The following HLTF variants were observed in gnomAD, a reference collection of about 807,000 sequenced individuals.
HLTF encodes the protein DNA-dependent ATPase/E3 ubiquitin-protein ligase HLTF.
HLTF carries 127 observed loss-of-function variants against 129.4 expected under a neutral mutation model. The ratio of observed to expected loss-of-function variants is 0.98; its 90% CI spans 0.85 to 1.14. The LOEUF is 1.14. Among genes scored for constraint, HLTF ranks in the 50% most tolerant of loss-of-function variants. HLTF has a pLI of 0.00. For synonymous variants in HLTF, 332 were observed against 388.8 expected, an observed-to-expected ratio of 0.85 and a Z score of 1.72; for missense variants, 1,139 against 1,187.1, an observed-to-expected ratio of 0.96 and a Z score of 0.60.
rs1333435440 is a variant in HLTF, at chr3:149,032,112, C to A, written c.*108G>T. ...TACCTCTTCACTAATATAAAATATG[C>A]CCCTTTTAGAAGACGTGTTCTCTAG... On this transcript the variant is annotated 3_prime_UTR_variant, in exon 25 of 25. Coordinates refer to ENST00000310053, the MANE Select transcript of HLTF (RefSeq NM_003071.4). 1.6e-5 allele frequency: 12 copies of A among 739,648 alleles called. No homozygotes were observed. The highest frequency in any genetic ancestry group is 2.7e-5 in the South Asian group (1 of 36,560). The allele number at this position is 739,648 out of a possible 1,614,324, so 45.8% of individuals were successfully genotyped here. A position where few individuals can be genotyped will look rare whatever the true frequency, so the allele number is the denominator to read the frequency against.
rs1183284673 is a variant in HLTF at position 149,050,321 on chromosome 3, A to AAC, written c.1527_1528insGT (p.Tyr510ValfsTer20). The AAC allele has an allele frequency of 6.3e-7, 1 of 1,595,662 alleles. No homozygotes were observed. Among genetic ancestry groups the AAC allele is most frequent in the Admixed American group, 1.7e-5 (1 of 59,112 alleles). On this transcript the variant is annotated frameshift_variant, in exon 15 of 25. Coordinates refer to ENST00000310053, the MANE Select transcript of HLTF (RefSeq NM_003071.4). LOFTEE classifies it high-confidence loss of function. ...GGTTCTCTAATACGATCAGGACCATAATAAACATAAAAATTCAAGTGTACA... is the reference window on the plus strand; with the variant it reads ...GGTTCTCTAATACGATCAGGACCATAACATAAACATAAAAATTCAAGTGTACA...
At chr3:149,045,273 ATCT>A (rs993402713) in intron 18 of HLTF, among the ~76,000 whole-genome samples, 1 of 152,082 alleles carries the variant, frequency 6.6e-6, no homozygotes, top group African/African-American at 2.4e-5. Flanking sequence ...CCTATATATC[ATCT>A]TCTCAGTGAG....
chr3:149,072,971 C>A lies in HLTF; in HGVS notation c.627+254G>T, dbSNP rs376642217. Reference sequence around the variant, plus strand: ...AAACATTTCAGATACAAAAATATGCCGTGCATAAACAGGAACGTGTGTGTT... The same window carrying A: ...AAACATTTCAGATACAAAAATATGCAGTGCATAAACAGGAACGTGTGTGTT... On this transcript the variant is annotated intron_variant, in intron 5 of 24. Coordinates refer to ENST00000310053, the MANE Select transcript of HLTF (RefSeq NM_003071.4). 5.1e-4 allele frequency among the ~76,000 whole-genome samples: 77 copies of A among 152,048 alleles called. No individual in the cohort carries two copies. The South Asian group carries it at 0.015, about 30-fold the overall frequency.
rs149848386 is a variant in HLTF, at chr3:149,032,370, G to T, written c.2880C>A (p.Phe960Leu). The T allele has an allele frequency of 1.4e-6, 2 of 1,462,846 alleles. No homozygotes were observed. The highest frequency in any genetic ancestry group is 1.5e-5 in the African/African-American group (1 of 68,216). 90.6% of individuals were successfully genotyped at this position (1,462,846 alleles called of 1,614,324 possible). A position where few individuals can be genotyped will look rare whatever the true frequency, so the allele number is the denominator to read the frequency against. The change falls in exon 25 of 25, where the codon TTC (phenylalanine) becomes TTA (leucine). Residue 960 changes from phenylalanine (F) to leucine (L), a missense_variant and splice_region_variant. Coordinates refer to ENST00000310053, the MANE Select transcript of HLTF (RefSeq NM_003071.4). ...GQKQEVIITKFIVKDSVEENM... is the reference protein window; with the variant it reads ...GQKQEVIITKLIVKDSVEENM... Reference sequence around the variant, plus strand: ...TTTCTTCAACAGAGTCCTTTACAATGAACTTTAAAAAGAAAAAAAAAAGTT... The same window carrying T: ...TTTCTTCAACAGAGTCCTTTACAATTAACTTTAAAAAGAAAAAAAAAAGTT...
At chr3:149,045,682 CTG>C (rs1442308607) in intron 18 of HLTF, among the ~76,000 whole-genome samples, 2 of 152,144 alleles carry the variant, frequency 1.3e-5, no homozygotes, top group Non-Finnish European at 1.5e-5. Context: ...ATTCTGTTCC[CTG>C]TGGGCTCACA....
At chr3:149,036,969 A>G (rs1702515728) in intron 23 of HLTF, among the ~76,000 whole-genome samples, 1 of 152,174 alleles carries the variant, frequency 6.6e-6, no homozygotes, top group Admixed American at 6.5e-5. Context: ...CAACTTTTTC[A>G]TACTAATTAT....
intron 12 of HLTF, 51 bp from the exon 13 acceptor site, chr3:149,059,858 T>TCTAGCACAGG: frequency 9.1e-7 from 1 of 1,096,470 alleles, no homozygotes; most frequent in Non-Finnish European, 1.4e-6. Context: ...TCTCCTGTGC[T>TCTAGCACAGG]AGAGTACAGG....
Position 149,073,387 on chromosome 3 carries a change from T to C in HLTF, c.530-65A>G, listed in dbSNP as rs894375816. On this transcript the variant is annotated intron_variant, in intron 4 of 24. Coordinates refer to ENST00000310053, the MANE Select transcript of HLTF (RefSeq NM_003071.4). Reference sequence around the variant, plus strand: ...AAGTAGGTTTTTATCTTTTATTAAGTAGCTTTTAAAATATGCATTAACAGG... The same window carrying C: ...AAGTAGGTTTTTATCTTTTATTAAGCAGCTTTTAAAATATGCATTAACAGG... 3.4e-6 allele frequency: 4 copies of C among 1,188,680 alleles called. No homozygotes were observed. In the African/African-American group the frequency reaches 6.1e-5, roughly 18 times the overall value. 73.6% of individuals were successfully genotyped at this position (1,188,680 alleles called of 1,614,324 possible). A position where few individuals can be genotyped will look rare whatever the true frequency, so the allele number is the denominator to read the frequency against.
At chr3:149,068,435 A>C in intron 7 of HLTF, 100 bp from the exon 8 acceptor site, 3 of 594,486 alleles carry the variant, frequency 5.0e-6, no homozygotes, top group Non-Finnish European at 6.0e-6. Context: ...ATCAAATATC[A>C]TTCAAGGTCA....
chr3:149,037,354 A>T (rs571715579), intron 23 of HLTF, among the ~76,000 whole-genome samples: 1 of 151,952 alleles, frequency 6.6e-6, no homozygotes, highest in East Asian at 1.9e-4. Flanking sequence ...CTGTAATCCC[A>T]GCTACTCAGG....
At position 149,076,102 on chromosome 3, in the gene HLTF, T is replaced by C. The variant is rs1326707672; in HGVS notation, c.229-55A>G. ...CATTATAAATAATAGACAATAACTTTGTTATACTTTATCTGGGATTTCCAT... is the reference window on the plus strand; with the variant it reads ...CATTATAAATAATAGACAATAACTTCGTTATACTTTATCTGGGATTTCCAT... On this transcript the variant is annotated intron_variant, in intron 2 of 24. Coordinates refer to ENST00000310053, the MANE Select transcript of HLTF (RefSeq NM_003071.4). 7 of 663,060 alleles carry C rather than the reference T, an allele frequency of 1.1e-5. No homozygotes were observed. The Admixed American group carries it at 2.4e-4, about 22-fold the overall frequency. The allele number at this position is 663,060 out of a possible 1,614,324, so 41.1% of individuals were successfully genotyped here. A position where few individuals can be genotyped will look rare whatever the true frequency, so the allele number is the denominator to read the frequency against.
intron 23 of HLTF, among the ~76,000 whole-genome samples, chr3:149,037,336 G>A (rs552056080): frequency 6.6e-6 from 1 of 151,972 alleles, no homozygotes; most frequent in Non-Finnish European, 1.5e-5. Flanking sequence ...ACGCGTGGTG[G>A]CAGGTGCCTG....
Position 149,060,702 on chromosome 3 carries a change from A to G in HLTF, c.1241-15T>C, listed in dbSNP as rs1717860619. 1 of 1,612,862 alleles carries G rather than the reference A, an allele frequency of 6.2e-7. No individual in the cohort carries two copies. The highest frequency in any genetic ancestry group is 8.5e-7 in the Non-Finnish European group (1 of 1,179,176). On this transcript the variant is annotated splice_polypyrimidine_tract_variant and intron_variant, in intron 11 of 24. Coordinates refer to ENST00000310053, the MANE Select transcript of HLTF (RefSeq NM_003071.4). ...TTTCAGTTTGCCTAAAAATAAAACA[A>G]AAATAAACATAAAAATGGGCAAAAC...
intron 2 of HLTF, among the ~76,000 whole-genome samples, chr3:149,077,644 A>G (rs557470286): frequency 6.6e-6 from 1 of 151,600 alleles, no homozygotes; most frequent in East Asian, 1.9e-4. Flanking sequence ...GTATTTCTGG[A>G]TATCTAGAAG....
At chr3:149,034,246 T>C (rs1278020051) in intron 24 of HLTF, among the ~76,000 whole-genome samples, 1 of 152,178 alleles carries the variant, frequency 6.6e-6, no homozygotes, top group Non-Finnish European at 1.5e-5. Context: ...TTTCTTAACT[T>C]ATCCCAAAGA....
intron 18 of HLTF, 141 bp from the exon 19 acceptor site, chr3:149,042,431 C>G: frequency 1.4e-6 from 1 of 696,376 alleles, no homozygotes; most frequent in South Asian, 2.2e-5. Flanking sequence ...AAAAGCAACT[C>G]TAATAAAACC....
At chr3:149,042,390 G>T in intron 18 of HLTF, 100 bp from the exon 19 acceptor site, 41 of 952,520 alleles carry the variant, frequency 4.3e-5, no homozygotes, top group Admixed American at 5.6e-5. Flanking sequence ...TTCTTCTCTA[G>T]AAATTACTCC....
At chr3:149,032,836 G>A (rs766397408) in intron 24 of HLTF, among the ~76,000 whole-genome samples, 10 of 151,728 alleles carry the variant, frequency 6.6e-5, no homozygotes, top group South Asian at 2.1e-4. Flanking sequence ...GGTGGTGGGC[G>A]CCTGTAGTCC....
intron 4 of HLTF, 115 bp from the exon 5 acceptor site, chr3:149,073,437 T>C (rs2108050425): frequency 1.4e-6 from 1 of 709,046 alleles, no homozygotes; most frequent in East Asian, 2.8e-5. Context: ...CTCATGCCTG[T>C]AACCCAAGCA....
Sources: allele counts gnomAD v4.1 joint callset (sites outside exome capture counted in the v4.1 genomes callset), GRCh38; gene constraint gnomAD v4.1.1; transcripts MANE v1.5; gene names NCBI Gene and HGNC (gene_info 2026-07-23, HGNC 2026-07-21).